SLC4A8: variants seen among roughly 807,000 people sequenced by gnomAD.
SLC4A8 encodes solute carrier family 4 member 8, also known as electroneutral sodium bicarbonate exchanger 1.
SLC4A8 carries 40 observed loss-of-function variants against 125.0 expected under a neutral mutation model. The observed-to-expected ratio is 0.32, with a 90% CI of 0.25 to 0.42. The LOEUF is 0.42. SLC4A8 is among the 10% of genes least tolerant of loss of function. SLC4A8 has a pLI of 1.00. For synonymous variants in SLC4A8, 456 were observed against 476.0 expected (o/e 0.96, Z 0.55); for missense variants, 863 against 1,355.1 (o/e 0.64, Z 5.70).
At chr12:51,428,753 GA>G (rs1222074552) in intron 1 of SLC4A8, among the ~76,000 whole-genome samples, 1 of 152,122 alleles carries the variant, frequency 6.6e-6, no homozygotes, top group African/African-American at 2.4e-5. Flanking sequence ...AACTTTTATT[GA>G]ATGCTTGCCA....
intron 10 of SLC4A8, 51 bp from the exon 11 acceptor site, chr12:51,463,563 G>T (rs938393808): frequency 4.3e-6 from 6 of 1,409,762 alleles, no homozygotes; most frequent in African/African-American, 2.8e-5. Flanking sequence ...CTGATAGCAG[G>T]ACGAAAAGAT....
At chr12:51,418,330 T>C (rs970130418) in intron 1 of SLC4A8, among the ~76,000 whole-genome samples, 9 of 152,292 alleles carry the variant, frequency 5.9e-5, no homozygotes, top group East Asian at 1.9e-4. Flanking sequence ...TTGTGTTGGA[T>C]AGGAACTGGT....
chr12:51,494,865 G>A, intron 20 of SLC4A8, 80 bp from the exon 21 acceptor site: 1 of 1,103,524 alleles, frequency 9.1e-7, no homozygotes, highest in Non-Finnish European at 1.3e-6. Flanking sequence ...AGCAGGTAAT[G>A]TAAGAGATAT....
At chr12:51,487,127 G>C (rs532533313) in intron 17 of SLC4A8, among the ~76,000 whole-genome samples, 3 of 152,300 alleles carry the variant, frequency 2.0e-5, no homozygotes, top group Admixed American at 1.3e-4. Context: ...GAACGCCTCT[G>C]GGAGGTAGGA....
chr12:51,506,385 A>G (rs1427627202), intron 24 of SLC4A8, among the ~76,000 whole-genome samples: 4 of 152,088 alleles, frequency 2.6e-5, no homozygotes, highest in African/African-American at 7.2e-5. Context: ...TTTTTGAAAT[A>G]TTAAATTGTA....
intron 16 of SLC4A8, chr12:51,480,241 C>T: frequency 7.9e-7 from 1 of 1,266,222 alleles, no homozygotes; most frequent in Non-Finnish European, 1.0e-6. Flanking sequence ...AAGTGCTATT[C>T]TTTATTTCAG....
chr12:51,492,204 C>G (rs376166900), intron 19 of SLC4A8, among the ~76,000 whole-genome samples: 1 of 152,178 alleles, frequency 6.6e-6, no homozygotes, highest in East Asian at 1.9e-4. Context: ...AACTTTACGG[C>G]TGTATTCCCA....
At chr12:51,408,395 A>G (rs1271763524) in intron 1 of SLC4A8, among the ~76,000 whole-genome samples, 1 of 151,324 alleles carries the variant, frequency 6.6e-6, no homozygotes, top group Non-Finnish European at 1.5e-5. Context: ...ATACCCAGCT[A>G]ATTTTTTGTA....
rs1951262814 is a variant in SLC4A8, at chr12:51,489,859, C to G, written c.2608C>G (p.Pro870Ala). ...ESECSAPGEQ[P>A]KFLGIREQRV... ...TGAATGCTCTGCTCCTGGAGAACAG[C>G]CCAAGTTCCTGGGCATCCGAGAACA... Residue 870 changes from proline to alanine, a missense_variant, in exon 19 of 25, where the codon CCC becomes GCC. Transcript: ENST00000453097. The G allele has an allele frequency of 6.2e-7, 1 of 1,614,196 alleles. No homozygotes were observed. The highest frequency in any genetic ancestry group is 2.2e-5 in the East Asian group (1 of 44,880).
chr12:51,409,032 CT>C (rs35314224), intron 1 of SLC4A8, among the ~76,000 whole-genome samples: 84,573 of 149,158 alleles, frequency 0.57, 24,079 homozygotes, highest in East Asian at 0.76. Context: ...TATATATATA[CT>C]TTTTTTTTTT....
At chr12:51,419,880 C>T (rs181373849), upstream of SLC4A8, among the ~76,000 whole-genome samples, 462 of 152,190 alleles carry the variant, frequency 3.0e-3, 1 homozygote, top group African/African-American at 0.011. Context: ...TAGTGGGGAG[C>T]GATTTTCACA....
At chr12:51,463,385 T>C (rs548503435) in intron 10 of SLC4A8, among the ~76,000 whole-genome samples, 3 of 151,606 alleles carry the variant, frequency 2.0e-5, no homozygotes, top group South Asian at 4.2e-4. Context: ...AGTCAGGTAC[T>C]ATGGAACAGG....
At chr12:51,490,344 C>T (rs1408557661) in intron 19 of SLC4A8, among the ~76,000 whole-genome samples, 4 of 151,574 alleles carry the variant, frequency 2.6e-5, no homozygotes, top group Non-Finnish European at 2.9e-5. Flanking sequence ...TCATGAGGTT[C>T]GGAGATCGAG....
At chr12:51,407,909 A>C (rs1315229855) in intron 1 of SLC4A8, 1 of 152,430 alleles carries the variant, frequency 6.6e-6, no homozygotes, top group East Asian at 1.9e-4. Context: ...TCTGTATGGT[A>C]ATCCTTCCTT....
chr12:51,418,662 T>C (rs1337686821), intron 1 of SLC4A8, among the ~76,000 whole-genome samples: 3 of 152,194 alleles, frequency 2.0e-5, no homozygotes, highest in Non-Finnish European at 4.4e-5. Context: ...GGTAAAATGT[T>C]AGAGATAGAA....
chr12:51,483,463 T>C (rs1394871776), intron 16 of SLC4A8, among the ~76,000 whole-genome samples: 4 of 151,308 alleles, frequency 2.6e-5, no homozygotes, highest in Non-Finnish European at 5.9e-5. Context: ...TTTTCTTTTT[T>C]TCTTTTCTCT....
chr12:51,429,850 T>C (rs781679046), intron 1 of SLC4A8, among the ~76,000 whole-genome samples: 4 of 150,518 alleles, frequency 2.7e-5, no homozygotes, highest in Non-Finnish European at 4.4e-5. Flanking sequence ...TCATAGGGGG[T>C]AGTAATAGAG....
intron 1 of SLC4A8, among the ~76,000 whole-genome samples, chr12:51,435,548 A>G (rs1478855445): frequency 6.6e-6 from 1 of 152,146 alleles, no homozygotes; most frequent in African/African-American, 2.4e-5. Context: ...ACTTGAGCTT[A>G]GGAGTTCGAG....
chr12:51,484,965 A>G lies in SLC4A8; in HGVS notation c.2173-822A>G, dbSNP rs536855394. Among the ~76,000 whole-genome samples, 8 of 152,270 alleles carry G rather than the reference A, an allele frequency of 5.3e-5. No individual in the cohort carries two copies. The East Asian group carries it at 1.4e-3, about 26-fold the overall frequency. On this transcript the variant is annotated intron_variant, in intron 16 of 24. Transcript: ENST00000453097. ...CTGCCCAAGAGGTTACCTGGAGGAA[A>G]GGCATGTTAGGTAGAGGCATGAACA...
Sources: gnomAD v4.1 joint callset for allele counts (sites outside exome capture counted in the v4.1 genomes callset) on GRCh38, gnomAD v4.1.1 for gene constraint, MANE v1.5 for transcripts, NCBI Gene and HGNC (gene_info 2026-07-23, HGNC 2026-07-21) for gene names.